Variants in LMO4 observed in about 807,000 individuals in gnomAD.
LMO4 encodes LIM domain only 4.
A neutral mutation model predicts 18.5 loss-of-function variants in LMO4; 3 were observed. The ratio of observed to expected loss-of-function variants is 0.16; its 90% CI spans 0.07 to 0.42. The LOEUF (loss-of-function observed/expected upper bound fraction) is 0.42, where lower values mean the gene tolerates loss of function less well. Ranked by LOEUF, LMO4 falls within the 10% of genes least tolerant of loss-of-function variation. The pLI is 0.99. For synonymous variants in LMO4, 100 were observed against 88.1 expected, an observed-to-expected ratio of 1.14 and a Z score of -0.76; for missense variants, 121 against 219.9, an observed-to-expected ratio of 0.55 and a Z score of 2.84.
Position 87,329,508 on chromosome 1 carries a change from C to G in LMO4, c.-4+264C>G, listed in dbSNP as rs145933511. Among the ~76,000 whole-genome samples the G allele has an allele frequency of 1.6e-3, 216 of 138,832 alleles. 3 individuals carry two copies. The highest frequency in any genetic ancestry group is 5.6e-3 in the African/African-American group (208 of 36,982). 91.1% of individuals were successfully genotyped at this position (138,832 alleles called of 152,430 possible). On this transcript the variant is annotated intron_variant, in intron 1 of 4. Transcript: ENST00000370544. ...TCTTGGAAACGGGGCTGGTGGGGAC[C>G]GTAGAGGGGGTGGGGATATTTCTAG...
At position 87,333,786 on chromosome 1, in the gene LMO4, GTCC is replaced by G. The variant is rs545398408; in HGVS notation, c.236+1540_236+1542del. ...AGGAACATGGGTGTAATGCTTTCTG[GTCC>G]TCCTTCCAAGTAATGCCATGAGCTT... On this transcript the variant is annotated intron_variant, in intron 2 of 4. Coordinates refer to ENST00000370544, the MANE Select transcript of LMO4 (RefSeq NM_006769.4). Among the ~76,000 whole-genome samples, 154 of 152,196 alleles carry G rather than the reference GTCC, an allele frequency of 1.0e-3. No individual in the cohort carries two copies. In the Middle Eastern group the frequency reaches 0.014, roughly 13 times the overall value.
At chr1:87,331,538 C>G (rs1266510315) in intron 1 of LMO4, 1 of 158,632 alleles carries the variant, frequency 6.3e-6, no homozygotes, top group Non-Finnish European at 1.4e-5. Context: ...CGCCTCCCCA[C>G]TCCTCTCGGC....
rs568566844 is a variant in LMO4 at position 87,347,741 on chromosome 1, A to C, written c.*2945A>C. 1 of 152,328 alleles carries C rather than the reference A, an allele frequency of 6.6e-6. No homozygotes were observed. Among genetic ancestry groups the C allele is most frequent in the South Asian group, 2.1e-4 (1 of 4,828 alleles). The allele number at this position is 152,328 out of a possible 1,614,324, so 9.4% of individuals were successfully genotyped here. Reference sequence around the variant, plus strand: ...TTGTTAATGAAACAATTTTGTAAAAAGATAGTCCTCTAAAAGGGTTTAATG... The same window carrying C: ...TTGTTAATGAAACAATTTTGTAAAACGATAGTCCTCTAAAAGGGTTTAATG... On this transcript the variant is annotated 3_prime_UTR_variant, in exon 5 of 5. Coordinates refer to ENST00000370544, the MANE Select transcript of LMO4 (RefSeq NM_006769.4).
At chr1:87,344,710 A>G in intron 4 of LMO4, 78 bp from the exon 5 acceptor site, 1 of 1,407,258 alleles carries the variant, frequency 7.1e-7, no homozygotes, top group Non-Finnish European at 1.0e-6. Context: ...TGTGGGGAAG[A>G]CAAAAGCAGT....
rs1650607173 is a variant in LMO4, at chr1:87,345,734, TCTTCAA to T, written c.*939_*944del. The T allele has an allele frequency of 1.3e-5, 2 of 152,338 alleles. No homozygotes were observed. The highest frequency in any genetic ancestry group is 4.1e-4 in the South Asian group (2 of 4,828). The allele number at this position is 152,338 out of a possible 1,614,324, so 9.4% of individuals were successfully genotyped here. On this transcript the variant is annotated 3_prime_UTR_variant, in exon 5 of 5. Coordinates refer to ENST00000370544, the MANE Select transcript of LMO4 (RefSeq NM_006769.4). ...ATTTAGCTCTGGGCCAGTAAGGTATTCTTCAAATTACTTAACCACGCCATTATTGGC... is the reference window on the plus strand; with the variant it reads ...ATTTAGCTCTGGGCCAGTAAGGTATTATTACTTAACCACGCCATTATTGGC...
intron 2 of LMO4, among the ~76,000 whole-genome samples, chr1:87,332,550 C>G (rs1650187819): frequency 6.6e-6 from 1 of 152,234 alleles, no homozygotes; most frequent in Non-Finnish European, 1.5e-5. Context: ...TCAGCCTCTA[C>G]TGGACTTCAG....
intron 3 of LMO4, 119 bp downstream of exon 3, chr1:87,339,751 A>G: frequency 2.8e-6 from 2 of 713,008 alleles, no homozygotes; most frequent in Non-Finnish European, 4.8e-6. Context: ...CACTTGAAGG[A>G]ATGATTGAAA....
In LMO4 at chr1:87,345,450, C is replaced by T. The variant is rs1237168535; in HGVS notation, c.*654C>T. The T allele has an allele frequency of 6.6e-6, 1 of 150,940 alleles. No homozygotes were observed. The highest frequency in any genetic ancestry group is 1.5e-5 in the Non-Finnish European group (1 of 67,832). 9.4% of individuals were successfully genotyped at this position (150,940 alleles called of 1,614,324 possible). On this transcript the variant is annotated 3_prime_UTR_variant, in exon 5 of 5. Coordinates refer to ENST00000370544, the MANE Select transcript of LMO4 (RefSeq NM_006769.4). ...AAAAAAATCAGGCTCATAGCAGCTA[C>T]TGTGTAGAAAATTCCCCCTACTTCT...
chr1:87,338,577 T>C (rs1370463545), intron 2 of LMO4, among the ~76,000 whole-genome samples: 1 of 152,204 alleles, frequency 6.6e-6, no homozygotes, highest in Non-Finnish European at 1.5e-5. Flanking sequence ...TCGGTGGTTA[T>C]TAAAATATTT....
rs906911699 is a variant in LMO4 at position 87,339,643 on chromosome 1, C to T, written c.333+11C>T. The T allele has an allele frequency of 6.5e-7, 1 of 1,547,200 alleles. No homozygotes were observed. The highest frequency in any genetic ancestry group is 1.7e-4 in the Middle Eastern group (1 of 5,718). On this transcript the variant is annotated intron_variant, in intron 3 of 4. Transcript: ENST00000370544. ...GTGTATCATCTTAAGGTAGTATTTGCATCTCTCTTTTTTTTTTAAAAAAAA... is the reference window on the plus strand; with the variant it reads ...GTGTATCATCTTAAGGTAGTATTTGTATCTCTCTTTTTTTTTTAAAAAAAA...
At chr1:87,329,693 C>T (rs954606845) in intron 1 of LMO4, among the ~76,000 whole-genome samples, 6 of 152,142 alleles carry the variant, frequency 3.9e-5, no homozygotes, top group Admixed American at 6.5e-5. Context: ...GAGCAGGATT[C>T]GGTATTGCTG....
At chr1:87,335,089 G>A (rs1650265898) in intron 2 of LMO4, among the ~76,000 whole-genome samples, 1 of 151,964 alleles carries the variant, frequency 6.6e-6, no homozygotes, top group Non-Finnish European at 1.5e-5. Flanking sequence ...AGGGACCAAC[G>A]CCTGCCTGGC....
intron 4 of LMO4, among the ~76,000 whole-genome samples, chr1:87,343,699 T>C (rs1211720942): frequency 2.0e-5 from 3 of 152,346 alleles, no homozygotes; most frequent in African/African-American, 7.2e-5. Flanking sequence ...TTATTAAATA[T>C]GCTTGCTGGC....
At chr1:87,335,440 G>A (rs564802322) in intron 2 of LMO4, among the ~76,000 whole-genome samples, 2 of 151,908 alleles carry the variant, frequency 1.3e-5, no homozygotes, top group East Asian at 3.9e-4. Context: ...CCCAGCCGGC[G>A]GGCGGTCTCG....
In LMO4 at chr1:87,331,911, C is replaced by CG. The variant is rs552656514; in HGVS notation, c.-3-98dup. On this transcript the variant is annotated intron_variant, in intron 1 of 4. Coordinates refer to ENST00000370544, the MANE Select transcript of LMO4 (RefSeq NM_006769.4). ...CTGCTGTTTCCTTCCAGCAGCTCCGCGGGGAGGAGGGGAATGGGCTTGCTC... is the reference window on the plus strand; with the variant it reads ...CTGCTGTTTCCTTCCAGCAGCTCCGCGGGGGAGGAGGGGAATGGGCTTGCTC... The CG allele has an allele frequency of 3.7e-3, 3,540 of 946,012 alleles. 36 individuals carry two copies. The highest frequency in any genetic ancestry group is 0.027 in the Admixed American group (1,364 of 49,964). 58.6% of individuals were successfully genotyped at this position (946,012 alleles called of 1,614,324 possible).
rs191531836 is a variant in LMO4 at position 87,341,147 on chromosome 1, G to A, written c.489+945G>A. 1.8e-3 allele frequency among the ~76,000 whole-genome samples: 268 copies of A among 152,236 alleles called. 7 individuals carry two copies. Among genetic ancestry groups the A allele is most frequent in the Admixed American group, 0.017 (260 of 15,292 alleles). ...CAGAAAAGAGTGAAATGTATGACTC[G>A]TGTGCATAATTTTATTCACATCATA... On this transcript the variant is annotated intron_variant, in intron 4 of 4. Coordinates refer to ENST00000370544, the MANE Select transcript of LMO4 (RefSeq NM_006769.4).
intron 2 of LMO4, among the ~76,000 whole-genome samples, chr1:87,336,602 A>C (rs765683378): frequency 2.0e-5 from 3 of 152,220 alleles, no homozygotes; most frequent in Non-Finnish European, 2.9e-5. Flanking sequence ...GCACCTTTAA[A>C]GTGCAGTGGT....
rs1339911211 is a variant in LMO4, at chr1:87,345,173, G to C, written c.*377G>C. The C allele has an allele frequency of 4.8e-6, 1 of 209,048 alleles. No individual in the cohort carries two copies. Among genetic ancestry groups the C allele is most frequent in the East Asian group, 1.1e-4 (1 of 9,498 alleles). 12.9% of individuals were successfully genotyped at this position (209,048 alleles called of 1,614,324 possible). A position where few individuals can be genotyped will look rare whatever the true frequency, so the allele number is the denominator to read the frequency against. ...ATTAGCAGGGCACTGGCCAGAGTTT[G>C]TACCCTGTGTTTTACCTTAACAACA... is the stretch of plus-strand genomic sequence containing the variant. On this transcript the variant is annotated 3_prime_UTR_variant, in exon 5 of 5. Transcript: ENST00000370544.
intron 2 of LMO4, among the ~76,000 whole-genome samples, chr1:87,333,411 A>G (rs766083994): frequency 1.3e-5 from 2 of 152,234 alleles, no homozygotes; most frequent in Non-Finnish European, 2.9e-5. Flanking sequence ...AGTGATTAGT[A>G]GAAAATTTTT....
Sources: gnomAD v4.1 joint callset for allele counts (sites outside exome capture counted in the v4.1 genomes callset) on GRCh38, gnomAD v4.1.1 for gene constraint, MANE v1.5 for transcripts, NCBI Gene and HGNC (gene_info 2026-07-23, HGNC 2026-07-21) for gene names.